The following CTSB variants were observed in gnomAD, a reference collection of about 807,000 sequenced individuals.
CTSB encodes APP secretase.
Under a neutral mutation model 44.3 loss-of-function variants are expected in CTSB, and 57 were observed. That is an observed-to-expected ratio of 1.29 (90% CI 1.04 to 1.60). The LOEUF (loss-of-function observed/expected upper bound fraction) is 1.60, where lower values mean the gene tolerates loss of function less well. Among genes scored for constraint, CTSB ranks in the 40% most tolerant of loss-of-function variants. The pLI, the probability that CTSB is intolerant of heterozygous loss-of-function variation, is 0.00. For missense variants in CTSB, 768 were observed against 443.0 expected (o/e 1.73, Z -6.59); for synonymous variants, 320 against 168.0 (o/e 1.91, Z -7.00).
chr8:11,863,275 A>G (rs892154009), intron 1 of CTSB, among the ~76,000 whole-genome samples: 2 of 152,192 alleles, frequency 1.3e-5, no homozygotes, highest in African/African-American at 4.8e-5. Context: ...CCCGACAAAC[A>G]TAGTGACATC....
intron 9 of CTSB, 143 bp downstream of exon 9, chr8:11,845,518 G>C (rs763403204): frequency 1.0e-6 from 1 of 1,000,428 alleles, no homozygotes; most frequent in East Asian, 2.6e-5. Flanking sequence ...ACTCCTGACT[G>C]CCTGGCACTT....
chr8:11,864,255 G>A (rs958801172), intron 1 of CTSB: 10 of 135,380 alleles, frequency 7.4e-5, no homozygotes, highest in African/African-American at 2.7e-4. Flanking sequence ...GAGGCAAGGG[G>A]ATCACTTGAA....
In CTSB at chr8:11,847,819, C is replaced by T; in HGVS notation, c.536G>A (p.Cys179Tyr). 1 of 1,591,554 alleles carries T rather than the reference C, an allele frequency of 6.3e-7. No individual in the cohort carries two copies. Among genetic ancestry groups the T allele is most frequent in the African/African-American group, 1.4e-5 (1 of 73,400 alleles). ...SGGLYESHVG[C>Y]RPYSIPPCEH... ...ACAGGGAGGGATGGAGTACGGTCTG[C>T]ACCCTGATGGGACGCGGGAGAAAGC... is the stretch of plus-strand genomic sequence containing the variant. The change falls in exon 7 of 10, where the codon TGC becomes TAC. Residue 179 changes from cysteine to tyrosine, a missense_variant. Cys to Tyr is a radical substitution (Grantham distance 194). Coordinates refer to ENST00000353047, the MANE Select transcript of CTSB (RefSeq NM_001908.5).
At chr8:11,859,819 A>T (rs1013460404) in intron 1 of CTSB, among the ~76,000 whole-genome samples, 2 of 145,244 alleles carry the variant, frequency 1.4e-5, no homozygotes, top group East Asian at 2.1e-4. Context: ...TCACGCATGT[A>T]ATCCCAGCAC....
chr8:11,862,286 A>T (rs1315209342), intron 1 of CTSB: 1 of 152,014 alleles, frequency 6.6e-6, no homozygotes, highest in African/African-American at 2.4e-5. Flanking sequence ...CTGGGAACAG[A>T]TACCCATCTC....
In CTSB at chr8:11,847,143, A is replaced by G. The variant is rs748190507; in HGVS notation, c.702T>C (p.Asn234=). ...HYGYNSYSVS[N]SEKDIMAEIY... Reference sequence around the variant, plus strand: ...TCTCGGCCATGATGTCCTTCTCGCTATTGGAGACGCTGTAGGAATTGTATC... The same window carrying G: ...TCTCGGCCATGATGTCCTTCTCGCTGTTGGAGACGCTGTAGGAATTGTATC... The change falls in exon 8 of 10, where the codon AAT becomes AAC. Residue 234 remains asparagine (N), a synonymous_variant. Coordinates refer to ENST00000353047, the MANE Select transcript of CTSB (RefSeq NM_001908.5). 1.2e-6 allele frequency: 2 copies of G among 1,612,124 alleles called. No individual in the cohort carries two copies. Among genetic ancestry groups the G allele is most frequent in the South Asian group, 1.1e-5 (1 of 91,012 alleles).
chr8:11,856,230 C>A (rs370488135), intron 1 of CTSB, among the ~76,000 whole-genome samples: 4 of 152,086 alleles, frequency 2.6e-5, no homozygotes, highest in African/African-American at 9.7e-5. Context: ...CAGCAACGCC[C>A]ACCAGTTTCT....
At chr8:11,853,046 G>A (rs1266188824) in intron 2 of CTSB, among the ~76,000 whole-genome samples, 1 of 152,104 alleles carries the variant, frequency 6.6e-6, no homozygotes, top group East Asian at 1.9e-4. Flanking sequence ...GGGGCTAGCT[G>A]GTTTTGAACA....
intron 9 of CTSB, 129 bp from the exon 10 acceptor site, chr8:11,845,351 C>G: frequency 1.4e-6 from 1 of 726,686 alleles, no homozygotes; most frequent in East Asian, 2.7e-5. Flanking sequence ...GCACAGTCCT[C>G]AACACCACAA....
Position 11,850,911 on chromosome 8 carries a change from G to A in CTSB, c.282C>T (p.Pro94=), listed in dbSNP as rs1339390370. 2 of 1,613,540 alleles carry A rather than the reference G, an allele frequency of 1.2e-6. No individual in the cohort carries two copies. Among genetic ancestry groups the A allele is most frequent in the African/African-American group, 1.3e-5 (1 of 75,026 alleles). The change falls in exon 4 of 10, where the codon CCC becomes CCT. Residue 94 remains proline (P), a synonymous_variant. Coordinates refer to ENST00000353047, the MANE Select transcript of CTSB (RefSeq NM_001908.5). ...FDAREQWPQC[P]TIKEIRDQGS... is the part of the protein sequence containing the mutation. ...CCTGGTCTCTGATCTCTTTGATGGT[G>A]GGACACTGTGGCCATTGTTCCCGTG...
At chr8:11,863,899 T>A (rs1045067967) in intron 1 of CTSB, among the ~76,000 whole-genome samples, 1 of 152,170 alleles carries the variant, frequency 6.6e-6, no homozygotes, top group African/African-American at 2.4e-5. Context: ...ACACACCTCA[T>A]GACCCAGAAA....
At chr8:11,857,247 G>T (rs1815660970) in intron 1 of CTSB, among the ~76,000 whole-genome samples, 1 of 152,114 alleles carries the variant, frequency 6.6e-6, no homozygotes, top group South Asian at 2.1e-4. Flanking sequence ...TGAACTCCTG[G>T]CTTCAAGGGA....
chr8:11,853,597 G>A (rs1205263163), intron 1 of CTSB, 118 bp from the exon 2 acceptor site: 2 of 1,056,028 alleles, frequency 1.9e-6, no homozygotes, highest in Admixed American at 2.8e-5. Context: ...GGCCCAGGCG[G>A]AGAACTCTTA....
chr8:11,845,146 A>G lies in CTSB; in HGVS notation c.999T>C (p.Asp333=). ...CAGATTAGATCTTTTCCCAGTACTG[A>G]TCGGTGCGTGGAATTCCAGCCACCA... The part of the protein sequence containing the change: ...SEVVAGIPRT[D]QYWEKI Residue 333 remains aspartate, a synonymous_variant, in exon 10 of 10, where the codon GAT becomes GAC. Transcript: ENST00000353047. 1 of 1,613,668 alleles carries G rather than the reference A, an allele frequency of 6.2e-7. No individual in the cohort carries two copies. Among genetic ancestry groups the G allele is most frequent in the Non-Finnish European group, 8.5e-7 (1 of 1,179,594 alleles).
chr8:11,845,437 G>T (rs552999767), intron 9 of CTSB, among the ~76,000 whole-genome samples: 2 of 152,156 alleles, frequency 1.3e-5, no homozygotes, highest in Admixed American at 6.5e-5. Flanking sequence ...AGGATCTGGC[G>T]CGATGCTGTG....
At chr8:11,858,647 C>T (rs900706221) in intron 1 of CTSB, among the ~76,000 whole-genome samples, 5 of 152,210 alleles carry the variant, frequency 3.3e-5, no homozygotes, top group African/African-American at 1.2e-4. Context: ...TGCTTCCACT[C>T]TTGAGGGTCC....
chr8:11,847,116 G>C lies in CTSB; in HGVS notation c.729C>G (p.Ile243Met), dbSNP rs768691054. Reference protein sequence around the residue: ...SNSEKDIMAEIYKNGPVEGAF... With the variant: ...SNSEKDIMAEMYKNGPVEGAF... The stretch of plus-strand genomic sequence containing the variant: ...CTCCCTCCACGGGGCCGTTTTTGTA[G>C]ATCTCGGCCATGATGTCCTTCTCGC... The change falls in exon 8 of 10, where the codon ATC becomes ATG. Residue 243 changes from isoleucine to methionine, a missense_variant. Physicochemically the swap from Ile to Met is conservative, Grantham distance 10 (BLOSUM62 1). Transcript: ENST00000353047. 8 of 1,613,312 alleles carry C rather than the reference G, an allele frequency of 5.0e-6. No individual in the cohort carries two copies. Among genetic ancestry groups the C allele is most frequent in the Non-Finnish European group, 6.8e-6 (8 of 1,179,514 alleles).
chr8:11,850,432 AAAAAAAAAAGAAAG>A (rs1194545035), intron 4 of CTSB, among the ~76,000 whole-genome samples: 5 of 148,498 alleles, frequency 3.4e-5, no homozygotes, highest in Admixed American at 1.4e-4. Flanking sequence ...AAAAAAAAAA[AAAAAAAAAAGAAAG>A]AAAAAGAAAA....
intron 5 of CTSB, chr8:11,848,403 T>C: frequency 3.2e-6 from 2 of 626,732 alleles, no homozygotes; most frequent in South Asian, 1.5e-5. Flanking sequence ...CTCCTGTTCA[T>C]GTCCATACCA....
Sources: gnomAD v4.1 joint callset for allele counts (sites outside exome capture counted in the v4.1 genomes callset) on GRCh38, gnomAD v4.1.1 for gene constraint, MANE v1.5 for transcripts, NCBI Gene and HGNC (gene_info 2026-07-23, HGNC 2026-07-21) for gene names.